Variants in GALNT1 observed in about 807,000 individuals in gnomAD.
GALNT1 encodes polypeptide N-acetylgalactosaminyltransferase 1, also known as GalNAc transferase 1.
Under a neutral mutation model 65.7 loss-of-function variants are expected in GALNT1, and 17 were observed. The ratio of observed to expected loss-of-function variants is 0.26; its 90% confidence interval spans 0.18 to 0.39. GALNT1 has a LOEUF of 0.39. Ranked by LOEUF, GALNT1 falls within the 10% of genes least tolerant of loss-of-function variation. The pLI, the probability that GALNT1 is intolerant of heterozygous loss-of-function variation, is 1.00. For missense variants in GALNT1, 460 were observed against 672.8 expected (o/e 0.68, Z 3.50); for synonymous variants, 210 against 219.7 (o/e 0.96, Z 0.39).
chr18:35,682,721 T>G (rs559526439), intron 4 of GALNT1, among the ~76,000 whole-genome samples: 1 of 152,064 alleles, frequency 6.6e-6, no homozygotes, highest in Non-Finnish European at 1.5e-5. Flanking sequence ...TAGCTATTGA[T>G]TTCATACACC....
At position 35,687,032 on chromosome 18, in the gene GALNT1, C is replaced by T; in HGVS notation, c.706C>T (p.Pro236Ser). Residue 236 changes from proline to serine, a missense_variant, in exon 6 of 12, where the codon CCC becomes TCC. By Grantham distance (74) the Pro-to-Ser change is moderately conservative. Coordinates refer to ENST00000269195, the MANE Select transcript of GALNT1 (RefSeq NM_020474.4). The stretch of plus-strand genomic sequence containing the variant: ...TGACATCAGGAGAACAGTGGTGTGT[C>T]CCATCATCGATGTGATCAGTGATGA... ...IKHDRRTVVC[P>S]IIDVISDDTF... The T allele has an allele frequency of 1.2e-6, 2 of 1,612,318 alleles. No individual in the cohort carries two copies. The highest frequency in any genetic ancestry group is 2.2e-5 in the East Asian group (1 of 44,792).
At chr18:35,625,760 T>G (rs890445542) in intron 1 of GALNT1, among the ~76,000 whole-genome samples, 1 of 152,120 alleles carries the variant, frequency 6.6e-6, no homozygotes, top group Non-Finnish European at 1.5e-5. Context: ...TGGTAGGCGG[T>G]GTATTTTCCT....
chr18:35,690,050 G>T (rs1403287639), intron 7 of GALNT1, among the ~76,000 whole-genome samples: 1 of 152,104 alleles, frequency 6.6e-6, no homozygotes, highest in Non-Finnish European at 1.5e-5. Flanking sequence ...TTGAAGGTAG[G>T]AACACTGAAT....
chr18:35,600,358 TTTG>T (rs759298232), intron 1 of GALNT1, among the ~76,000 whole-genome samples: 2 of 152,192 alleles, frequency 1.3e-5, no homozygotes, highest in Non-Finnish European at 2.9e-5. Context: ...GTTAGTGATT[TTTG>T]TTGTTGATTG....
At chr18:35,691,360 C>T (rs933165645) in intron 8 of GALNT1, 168 bp downstream of exon 8, 6 of 480,542 alleles carry the variant, frequency 1.2e-5, no homozygotes, top group Non-Finnish European at 2.1e-5. Context: ...AAGTGCTTGG[C>T]AGAATGCCTA....
intron 10 of GALNT1, 76 bp from the exon 11 acceptor site, chr18:35,703,433 C>G: frequency 7.5e-7 from 1 of 1,332,290 alleles, no homozygotes; most frequent in Non-Finnish European, 1.1e-6. Context: ...TTGTATTTTC[C>G]CTGACAGCTA....
rs1237230892 is a variant in GALNT1 at position 35,710,863 on chromosome 18, A to T, written c.*1093A>T. 6.6e-6 allele frequency: 1 copy of T among 152,630 alleles called. No individual in the cohort carries two copies. Among genetic ancestry groups the T allele is most frequent in the Non-Finnish European group, 1.5e-5 (1 of 68,030 alleles). The allele number at this position is 152,630 out of a possible 1,614,324, so 9.5% of individuals were successfully genotyped here. Reference sequence around the variant, plus strand: ...TGGGTATTTGGAGATAATACATTTGATGGTTTTTTGGAAAACCTTTTTCAC... The same window carrying T: ...TGGGTATTTGGAGATAATACATTTGTTGGTTTTTTGGAAAACCTTTTTCAC... On this transcript the variant is annotated 3_prime_UTR_variant, in exon 12 of 12. Coordinates refer to ENST00000269195, the MANE Select transcript of GALNT1 (RefSeq NM_020474.4).
intron 1 of GALNT1, among the ~76,000 whole-genome samples, chr18:35,620,569 A>G (rs903977317): frequency 1.3e-5 from 2 of 152,166 alleles, no homozygotes; most frequent in African/African-American, 2.4e-5. Flanking sequence ...CATGCATATT[A>G]TTCTCTACAG....
At position 35,709,717 on chromosome 18, in the gene GALNT1, A is replaced by G; in HGVS notation, c.1627A>G (p.Ser543Gly). ...QVPSIRDCNG[S>G]RSQQWLLRNV... ...GCCCAGCATTAGAGACTGCAATGGA[A>G]GTCGGTCCCAGCAGTGGCTTCTTCG... is the stretch of plus-strand genomic sequence containing the variant. Residue 543 changes from serine to glycine, a missense_variant, in exon 12 of 12, where the codon AGT becomes GGT. Transcript: ENST00000269195. 1 of 1,614,096 alleles carries G rather than the reference A, an allele frequency of 6.2e-7. No homozygotes were observed. Among genetic ancestry groups the G allele is most frequent in the Non-Finnish European group, 8.5e-7 (1 of 1,179,980 alleles).
At chr18:35,649,096 A>G (rs1186522895) in intron 1 of GALNT1, among the ~76,000 whole-genome samples, 1 of 152,240 alleles carries the variant, frequency 6.6e-6, no homozygotes, top group African/African-American at 2.4e-5. Flanking sequence ...TCTCCTGAAT[A>G]AATAGGAACG....
chr18:35,678,924 G>T (rs2047749449), intron 4 of GALNT1, among the ~76,000 whole-genome samples: 1 of 152,112 alleles, frequency 6.6e-6, no homozygotes, highest in Admixed American at 6.6e-5. Flanking sequence ...TGCTTTGCCA[G>T]TTTATACAGT....
chr18:35,623,132 T>C (rs375037266), intron 1 of GALNT1, among the ~76,000 whole-genome samples: 11 of 152,316 alleles, frequency 7.2e-5, no homozygotes, highest in East Asian at 5.8e-4. Context: ...TTTATTCATA[T>C]ATTTACCGTT....
intron 3 of GALNT1, among the ~76,000 whole-genome samples, chr18:35,675,014 C>T (rs1334421005): frequency 1.4e-5 from 2 of 141,322 alleles, no homozygotes; most frequent in African/African-American, 2.6e-5. Flanking sequence ...AAAAAAAGCT[C>T]GTTTTCATAA....
intron 1 of GALNT1, among the ~76,000 whole-genome samples, chr18:35,631,447 G>A (rs1376225174): frequency 4.6e-5 from 7 of 152,112 alleles, no homozygotes; most frequent in South Asian, 2.1e-4. Context: ...CAGAACCAAC[G>A]AGAAAAGCCA....
intron 9 of GALNT1, chr18:35,702,683 G>A (rs563253718): frequency 2.9e-6 from 1 of 344,156 alleles, no homozygotes; most frequent in African/African-American, 2.1e-5. Flanking sequence ...AAATTGTAAG[G>A]ATTTTCCCCC....
intron 9 of GALNT1, among the ~76,000 whole-genome samples, chr18:35,702,596 T>G (rs2048182901): frequency 6.6e-6 from 1 of 152,190 alleles, no homozygotes; most frequent in South Asian, 2.1e-4. Context: ...AGTTAATTTT[T>G]TAAATCATTA....
intron 7 of GALNT1, among the ~76,000 whole-genome samples, chr18:35,690,798 T>A (rs754702679): frequency 4.6e-5 from 7 of 152,206 alleles, no homozygotes; most frequent in Non-Finnish European, 7.3e-5. Flanking sequence ...TTAAAAACTA[T>A]CAATGTCATA....
At position 35,703,544 on chromosome 18, in the gene GALNT1, A is replaced by T. The variant is rs143899402; in HGVS notation, c.1434A>T (p.Thr478=). The change falls in exon 11 of 12, where the codon ACA becomes ACT. Residue 478 remains threonine (T), a synonymous_variant. Coordinates refer to ENST00000269195, the MANE Select transcript of GALNT1 (RefSeq NM_020474.4). ...FSYTANKEIR[T]DDLCLDVSKL... ...ATACTGCCAACAAAGAAATTAGAAC[A>T]GATGACCTTTGCTTGGATGTTTCCA... 19 of 1,614,046 alleles carry T rather than the reference A, an allele frequency of 1.2e-5. No individual in the cohort carries two copies. In the Middle Eastern group the frequency reaches 5.0e-4, roughly 42 times the overall value.
intron 1 of GALNT1, among the ~76,000 whole-genome samples, chr18:35,651,021 A>T (rs895153955): frequency 2.0e-5 from 3 of 152,204 alleles, no homozygotes; most frequent in African/African-American, 7.2e-5. Context: ...AGAAATTATA[A>T]AAGTATTAAT....
Sources: allele counts gnomAD v4.1 joint callset (sites outside exome capture counted in the v4.1 genomes callset), GRCh38; gene constraint gnomAD v4.1.1; transcripts MANE v1.5; gene names NCBI Gene and HGNC (gene_info 2026-07-23, HGNC 2026-07-21).